The following ACOXL variants were observed in gnomAD, a reference collection of about 807,000 sequenced individuals.
ACOXL encodes acyl-CoA oxidase like, also known as acyl-coenzyme A oxidase-like protein.
Under a neutral mutation model 71.9 loss-of-function variants are expected in ACOXL, and 70 were observed. The observed-to-expected ratio is 0.97, with a 90% CI of 0.80 to 1.19. The LOEUF (loss-of-function observed/expected upper bound fraction) is 1.19, where lower values mean the gene tolerates loss of function less well. ACOXL is among the 50% of genes most tolerant of loss of function. The probability of loss-of-function intolerance (pLI) is 0.00; values close to 1 mark genes in which losing one functional copy is unlikely to be tolerated. For synonymous variants in ACOXL, 253 were observed against 281.6 expected (o/e 0.90, Z 1.02); for missense variants, 703 against 736.3 (o/e 0.95, Z 0.52).
intron 2 of ACOXL, among the ~76,000 whole-genome samples, chr2:110,772,854 A>G (rs1294745511): frequency 2.0e-5 from 3 of 152,206 alleles, no homozygotes; most frequent in Non-Finnish European, 2.9e-5. Context: ...CCAAAACAAC[A>G]TATCACAACA....
At chr2:111,070,741 T>C (rs1282305844) in intron 16 of ACOXL, among the ~76,000 whole-genome samples, 2 of 152,220 alleles carry the variant, frequency 1.3e-5, no homozygotes, top group Non-Finnish European at 2.9e-5. Context: ...ATGGGTTTTC[T>C]GTACTTTTCA....
At chr2:111,089,462 T>C (rs1466262182) in intron 16 of ACOXL, among the ~76,000 whole-genome samples, 1 of 152,228 alleles carries the variant, frequency 6.6e-6, no homozygotes, top group Non-Finnish European at 1.5e-5. Flanking sequence ...TGAATTCAGC[T>C]GATGTAGACC....
intron 1 of ACOXL, among the ~76,000 whole-genome samples, chr2:110,735,027 G>C (rs1419772820): frequency 4.6e-5 from 7 of 152,156 alleles, no homozygotes; most frequent in Non-Finnish European, 2.9e-5. Flanking sequence ...TGCACGCAAA[G>C]GGAAAAGCAA....
chr2:110,994,152 A>G (rs1388274181), intron 13 of ACOXL, among the ~76,000 whole-genome samples: 1 of 152,330 alleles, frequency 6.6e-6, no homozygotes, highest in African/African-American at 2.4e-5. Context: ...AGGGAAGCTA[A>G]TTTCCAATAT....
At chr2:110,985,930 C>T (rs1211812322) in intron 12 of ACOXL, among the ~76,000 whole-genome samples, 1 of 152,164 alleles carries the variant, frequency 6.6e-6, no homozygotes, top group East Asian at 1.9e-4. Flanking sequence ...TTTCAGCATC[C>T]CTCTTATTGG....
chr2:111,049,091 C>T, intron 15 of ACOXL, 127 bp from the exon 16 acceptor site: 1 of 756,564 alleles, frequency 1.3e-6, no homozygotes, highest in Non-Finnish European at 2.2e-6. Context: ...GGAGCTCTGC[C>T]ATGTCACCAA....
chr2:110,760,379 C>T (rs560618686), intron 1 of ACOXL, among the ~76,000 whole-genome samples: 4 of 152,212 alleles, frequency 2.6e-5, no homozygotes, highest in South Asian at 4.1e-4. Context: ...CTCCTGACCT[C>T]GTGATCCGCC....
chr2:110,785,253 G>A (rs1023491381), intron 3 of ACOXL, among the ~76,000 whole-genome samples: 21 of 152,224 alleles, frequency 1.4e-4, no homozygotes, highest in African/African-American at 5.1e-4. Flanking sequence ...GAACCCTTTA[G>A]TCATGGTGAC....
At chr2:110,784,243 G>A (rs1179126792) in intron 2 of ACOXL, among the ~76,000 whole-genome samples, 5 of 151,774 alleles carry the variant, frequency 3.3e-5, no homozygotes, top group Admixed American at 3.3e-4. Flanking sequence ...GCAACATAGC[G>A]AGACCCTGTC....
intron 14 of ACOXL, among the ~76,000 whole-genome samples, chr2:111,000,736 T>C (rs573173465): frequency 1.3e-5 from 2 of 152,258 alleles, no homozygotes; most frequent in Admixed American, 1.3e-4. Flanking sequence ...ACCCATGATA[T>C]CTCCCCATAA....
At chr2:111,082,208 G>T (rs1217774463) in intron 16 of ACOXL, among the ~76,000 whole-genome samples, 2 of 151,958 alleles carry the variant, frequency 1.3e-5, no homozygotes, top group Non-Finnish European at 2.9e-5. Flanking sequence ...CACAGCAAAA[G>T]AAACTATCAT....
At chr2:110,744,194 C>T (rs1677899273) in intron 1 of ACOXL, among the ~76,000 whole-genome samples, 1 of 151,796 alleles carries the variant, frequency 6.6e-6, no homozygotes, top group Non-Finnish European at 1.5e-5. Flanking sequence ...CAGCGAAGTG[C>T]ATTAAAACTC....
At chr2:110,925,843 T>C (rs1343194391) in intron 11 of ACOXL, among the ~76,000 whole-genome samples, 1 of 150,136 alleles carries the variant, frequency 6.7e-6, no homozygotes. Flanking sequence ...CTAGGCTTAA[T>C]TACTTCTAGC....
intron 9 of ACOXL, among the ~76,000 whole-genome samples, chr2:110,814,868 A>G (rs1468640551): frequency 4.6e-5 from 7 of 152,218 alleles, no homozygotes; most frequent in Non-Finnish European, 1.0e-4. Context: ...ATATTTTGAT[A>G]ATTGTAACTT....
At chr2:110,824,415 T>C (rs952934530) in intron 9 of ACOXL, among the ~76,000 whole-genome samples, 4 of 152,248 alleles carry the variant, frequency 2.6e-5, no homozygotes, top group African/African-American at 4.8e-5. Flanking sequence ...ATTGGGATTC[T>C]GTTAGGGTCC....
intron 14 of ACOXL, among the ~76,000 whole-genome samples, chr2:111,001,387 A>AAAAAAC (rs1553453883): frequency 6.6e-6 from 1 of 150,932 alleles, no homozygotes. Flanking sequence ...ACAAGTGGAG[A>AAAAAAC]AAAACAAAAC....
chr2:110,923,700 G>A (rs757395795), intron 11 of ACOXL, among the ~76,000 whole-genome samples: 3 of 152,114 alleles, frequency 2.0e-5, no homozygotes, highest in Non-Finnish European at 4.4e-5. Flanking sequence ...TTGGGAGGCC[G>A]AGATGAGCAG....
At chr2:111,036,501 C>T (rs1037043616) in intron 15 of ACOXL, among the ~76,000 whole-genome samples, 3 of 152,226 alleles carry the variant, frequency 2.0e-5, no homozygotes, top group Admixed American at 2.0e-4. Context: ...CCAGTAGACC[C>T]AGCATCTTGG....
At chr2:110,870,444 G>T (rs753811394) in intron 10 of ACOXL, among the ~76,000 whole-genome samples, 20 of 151,974 alleles carry the variant, frequency 1.3e-4, no homozygotes, top group Non-Finnish European at 1.5e-5. Flanking sequence ...CACAGAAGTG[G>T]ACTGAATTCC....
Sources: allele counts gnomAD v4.1 joint callset (sites outside exome capture counted in the v4.1 genomes callset), GRCh38; gene constraint gnomAD v4.1.1; transcripts MANE v1.5; gene names NCBI Gene and HGNC (gene_info 2026-07-23, HGNC 2026-07-21).